COMMD10: variants seen among roughly 807,000 people sequenced by gnomAD.
COMMD10 encodes the protein COMM domain-containing protein 10.
Under a neutral mutation model 28.9 loss-of-function variants are expected in COMMD10, and 33 were observed. That is an observed-to-expected ratio of 1.14 (90% CI 0.87 to 1.53). The LOEUF is 1.53. Among genes scored for constraint, COMMD10 ranks in the 40% most tolerant of loss-of-function variants. The pLI is 0.00. For missense variants in COMMD10, 310 were observed against 233.4 expected (o/e 1.33, Z -2.14); for synonymous variants, 110 against 81.7 (o/e 1.35, Z -1.87).
At chr5:116,261,663 T>C (rs1377874798) in intron 5 of COMMD10, among the ~76,000 whole-genome samples, 1 of 151,790 alleles carries the variant, frequency 6.6e-6, no homozygotes, top group Non-Finnish European at 1.5e-5. Flanking sequence ...ATTTTGCATA[T>C]TTTTGCATAT....
intron 5 of COMMD10, among the ~76,000 whole-genome samples, chr5:116,177,072 A>G (rs747042339): frequency 6.6e-6 from 1 of 152,074 alleles, no homozygotes; most frequent in Non-Finnish European, 1.5e-5. Flanking sequence ...AGGCTCCTGG[A>G]TGGGCTTGCA....
intron 3 of COMMD10, 72 bp downstream of exon 3, chr5:116,091,261 A>C: frequency 1.4e-6 from 1 of 693,962 alleles, no homozygotes. Flanking sequence ...GATATCTATG[A>C]CATTCTGTTT....
intron 5 of COMMD10, among the ~76,000 whole-genome samples, chr5:116,272,736 C>T (rs886528019): frequency 6.6e-6 from 1 of 151,836 alleles, no homozygotes. Context: ...TGCAGTTGAT[C>T]TGGGTGTTGT....
At chr5:116,163,333 C>G (rs1273422755) in intron 5 of COMMD10, among the ~76,000 whole-genome samples, 1 of 151,096 alleles carries the variant, frequency 6.6e-6, no homozygotes, top group Middle Eastern at 3.2e-3. Context: ...TCCTGTACTT[C>G]CAGCACTTTG....
At chr5:116,224,071 G>T (rs1029603499) in intron 5 of COMMD10, among the ~76,000 whole-genome samples, 6 of 152,062 alleles carry the variant, frequency 3.9e-5, no homozygotes, top group African/African-American at 1.4e-4. Flanking sequence ...CCATCTCTTG[G>T]ACTATTCATT....
At chr5:116,205,096 C>CT (rs1027064642) in intron 5 of COMMD10, among the ~76,000 whole-genome samples, 13 of 152,086 alleles carry the variant, frequency 8.5e-5, no homozygotes, top group African/African-American at 2.4e-4. Context: ...CATAGATTTC[C>CT]TAGATGGTCA....
At chr5:116,221,680 A>C (rs936856510) in intron 5 of COMMD10, among the ~76,000 whole-genome samples, 21 of 152,238 alleles carry the variant, frequency 1.4e-4, no homozygotes, top group African/African-American at 4.6e-4. Flanking sequence ...ACTGTGGGCT[A>C]TGCACAGATG....
chr5:116,140,335 TGATA>T (rs1752161226), intron 5 of COMMD10, among the ~76,000 whole-genome samples: 1 of 151,570 alleles, frequency 6.6e-6, no homozygotes, highest in African/African-American at 2.4e-5. Context: ...ATTTATCCAT[TGATA>T]GATAGTTACG....
Position 116,091,167 on chromosome 5 carries a change from C to G in COMMD10, c.221C>G (p.Thr74Arg), listed in dbSNP as rs1750286282. The G allele has an allele frequency of 1.2e-6, 2 of 1,600,442 alleles. No homozygotes were observed. Among genetic ancestry groups the G allele is most frequent in the Middle Eastern group, 1.7e-4 (1 of 6,032 alleles). Residue 74 changes from threonine to arginine, a missense_variant, in exon 3 of 7, where the codon ACA becomes AGA. Thr to Arg is a moderately conservative substitution (Grantham distance 71). Coordinates refer to ENST00000274458, the MANE Select transcript of COMMD10 (RefSeq NM_016144.4). ...CAAGATCTTCACCTAGTTCTTGAAA[C>G]AATATCATTTATTTTAGAACAGGTA... ...EKQDLHLVLE[T>R]ISFILEQAVY...
intron 5 of COMMD10, among the ~76,000 whole-genome samples, chr5:116,186,003 T>C (rs557870099): frequency 8.7e-4 from 133 of 152,280 alleles, no homozygotes; most frequent in African/African-American, 3.2e-3. Context: ...ATTGGGCTAA[T>C]GGTTACCTAT....
intron 4 of COMMD10, among the ~76,000 whole-genome samples, chr5:116,127,366 G>A (rs113440259): frequency 0.5 from 75,792 of 152,036 alleles, 21,414 homozygotes; most frequent in Non-Finnish European, 0.64. Context: ...AAGACAGTGT[G>A]GCGATTCCTC....
intron 5 of COMMD10, among the ~76,000 whole-genome samples, chr5:116,179,650 C>A (rs1057294207): frequency 3.9e-5 from 6 of 152,090 alleles, no homozygotes; most frequent in Non-Finnish European, 8.8e-5. Flanking sequence ...CAGTTAGTAA[C>A]CTGGGCCTGG....
At chr5:116,225,552 G>A (rs553848226) in intron 5 of COMMD10, among the ~76,000 whole-genome samples, 17 of 152,100 alleles carry the variant, frequency 1.1e-4, no homozygotes, top group African/African-American at 4.1e-4. Context: ...TTCCTCTGCT[G>A]CTTTGTTAGC....
chr5:116,253,949 C>A (rs894802209), intron 5 of COMMD10, among the ~76,000 whole-genome samples: 17 of 151,962 alleles, frequency 1.1e-4, no homozygotes, highest in Non-Finnish European at 2.2e-4. Context: ...GGTTGGTAAG[C>A]TATTGATTAT....
chr5:116,283,325 C>T (rs541233182), intron 5 of COMMD10, among the ~76,000 whole-genome samples: 1 of 151,620 alleles, frequency 6.6e-6, no homozygotes, highest in South Asian at 2.1e-4. Flanking sequence ...AATATCTTGG[C>T]CTATCTAGCT....
intron 5 of COMMD10, among the ~76,000 whole-genome samples, chr5:116,264,045 G>T (rs968775451): frequency 5.9e-5 from 9 of 151,796 alleles, no homozygotes; most frequent in African/African-American, 2.2e-4. Flanking sequence ...ACTTTATTCA[G>T]AGTGTGAACC....
chr5:116,234,878 C>G (rs1327440658), intron 5 of COMMD10, among the ~76,000 whole-genome samples: 1 of 152,064 alleles, frequency 6.6e-6, no homozygotes, highest in African/African-American at 2.4e-5. Context: ...CGCAGGAGAG[C>G]TAGGGAAAAA....
At chr5:116,273,491 AATT>A (rs1417498252) in intron 5 of COMMD10, among the ~76,000 whole-genome samples, 4 of 151,944 alleles carry the variant, frequency 2.6e-5, no homozygotes, top group East Asian at 1.9e-4. Flanking sequence ...TCAAGTTCAA[AATT>A]ATTATTGAGA....
intron 5 of COMMD10, among the ~76,000 whole-genome samples, chr5:116,189,007 C>T (rs1219898240): frequency 6.6e-6 from 1 of 152,184 alleles, no homozygotes; most frequent in Non-Finnish European, 1.5e-5. Context: ...CACCTAATTC[C>T]TTAAACAGTG....
Sources: allele counts gnomAD v4.1 joint callset (sites outside exome capture counted in the v4.1 genomes callset), GRCh38; gene constraint gnomAD v4.1.1; transcripts MANE v1.5; gene names NCBI Gene and HGNC (gene_info 2026-07-23, HGNC 2026-07-21).